DPP10: variants seen among roughly 807,000 people sequenced by gnomAD.
DPP10 encodes the protein inactive dipeptidyl peptidase 10.
DPP10 carries 33 observed loss-of-function variants against 120.9 expected under a neutral mutation model. The ratio of observed to expected loss-of-function variants is 0.27; its 90% CI spans 0.21 to 0.37. The LOEUF is 0.37. Among genes scored for constraint, DPP10 ranks in the 10% least tolerant of loss-of-function variants. The probability of loss-of-function intolerance (pLI) is 1.00; values close to 1 mark genes in which losing one functional copy is unlikely to be tolerated. For synonymous variants in DPP10, 337 were observed against 326.1 expected (o/e 1.03, Z -0.36); for missense variants, 816 against 942.8 (o/e 0.87, Z 1.76).
chr2:114,731,897 C>G (rs1286939651), intron 1 of DPP10, among the ~76,000 whole-genome samples: 4 of 152,148 alleles, frequency 2.6e-5, no homozygotes, highest in Non-Finnish European at 5.9e-5. Context: ...ACTACAGCCT[C>G]TGAGCACATT....
At chr2:114,927,288 T>C (rs1370744792) in intron 1 of DPP10, among the ~76,000 whole-genome samples, 1 of 151,864 alleles carries the variant, frequency 6.6e-6, no homozygotes, top group Non-Finnish European at 1.5e-5. Flanking sequence ...ACCCAGGTAA[T>C]CTGAGGCAGG....
At chr2:115,755,953 T>C (rs922659371) in intron 11 of DPP10, among the ~76,000 whole-genome samples, 1 of 151,324 alleles carries the variant, frequency 6.6e-6, no homozygotes, top group Non-Finnish European at 1.5e-5. Flanking sequence ...TGTATATATA[T>C]ACATAAAACA....
At chr2:114,847,485 G>T (rs6755195) in intron 1 of DPP10, among the ~76,000 whole-genome samples, 29,953 of 152,114 alleles carry the variant, frequency 0.2, 4,352 homozygotes, top group African/African-American at 0.41. Context: ...ACATTCTTAA[G>T]CATCTTATCC....
intron 1 of DPP10, among the ~76,000 whole-genome samples, chr2:115,223,027 T>C (rs2057254498): frequency 6.6e-6 from 1 of 152,136 alleles, no homozygotes; most frequent in Non-Finnish European, 1.5e-5. Flanking sequence ...CTGGTAGCAA[T>C]ATTGTTTCAT....
intron 7 of DPP10, among the ~76,000 whole-genome samples, chr2:115,696,648 T>C (rs1026206616): frequency 6.6e-6 from 1 of 152,180 alleles, no homozygotes; most frequent in Non-Finnish European, 1.5e-5. Flanking sequence ...CACTAGGCAG[T>C]GATTTGAAGC....
At chr2:115,088,522 C>T (rs1403337696) in intron 1 of DPP10, among the ~76,000 whole-genome samples, 2 of 151,982 alleles carry the variant, frequency 1.3e-5, no homozygotes, top group Middle Eastern at 3.4e-3. Flanking sequence ...GATCATGGCT[C>T]ACAGCAGCCT....
intron 3 of DPP10, among the ~76,000 whole-genome samples, chr2:115,454,959 C>T (rs544050416): frequency 1.3e-5 from 2 of 150,890 alleles, no homozygotes; most frequent in Middle Eastern, 6.9e-3. Context: ...AAAATTATAT[C>T]CATGACATCA....
intron 1 of DPP10, among the ~76,000 whole-genome samples, chr2:115,202,214 C>G (rs1401735716): frequency 6.6e-6 from 1 of 152,150 alleles, no homozygotes; most frequent in Admixed American, 6.6e-5. Flanking sequence ...CAGACATGAG[C>G]ACCCATGCCT....
intron 3 of DPP10, among the ~76,000 whole-genome samples, chr2:115,414,640 A>G (rs529004040): frequency 1.3e-5 from 2 of 152,316 alleles, no homozygotes; most frequent in African/African-American, 4.8e-5. Context: ...TGTATGTACC[A>G]TCAAACGGAA....
intron 3 of DPP10, among the ~76,000 whole-genome samples, chr2:115,470,543 T>G (rs1298125748): frequency 2.0e-5 from 3 of 152,106 alleles, no homozygotes; most frequent in Non-Finnish European, 4.4e-5. Context: ...TAATTGCAGT[T>G]CAGACTAGGA....
chr2:114,491,063 T>C (rs191146645), intron 1 of DPP10, among the ~76,000 whole-genome samples: 197 of 152,288 alleles, frequency 1.3e-3, no homozygotes, highest in African/African-American at 4.4e-3. Context: ...TTTACTTACA[T>C]ATGATTTATA....
intron 1 of DPP10, among the ~76,000 whole-genome samples, chr2:115,289,345 T>C (rs1005102553): frequency 2.0e-5 from 3 of 151,980 alleles, no homozygotes; most frequent in African/African-American, 7.2e-5. Flanking sequence ...TGCTCATGCA[T>C]TGGAAGAATC....
At chr2:115,350,151 A>G (rs2063933691) in intron 3 of DPP10, among the ~76,000 whole-genome samples, 1 of 152,178 alleles carries the variant, frequency 6.6e-6, no homozygotes, top group African/African-American at 2.4e-5. Context: ...TTTTTAATGG[A>G]AAACTAAACA....
At chr2:115,440,755 C>A (rs138333701) in intron 3 of DPP10, 1 of 152,186 alleles carries the variant, frequency 6.6e-6, no homozygotes. Flanking sequence ...AAAAGAGCAA[C>A]GGTACCAGGT....
intron 1 of DPP10, among the ~76,000 whole-genome samples, chr2:114,966,612 T>C (rs1179276705): frequency 6.6e-6 from 1 of 152,148 alleles, no homozygotes; most frequent in Non-Finnish European, 1.5e-5. Context: ...GACAGCCCAG[T>C]CTCAGGTATT....
chr2:115,128,379 C>T (rs908150658), intron 1 of DPP10, among the ~76,000 whole-genome samples: 3 of 152,130 alleles, frequency 2.0e-5, no homozygotes, highest in South Asian at 2.1e-4. Context: ...TTCCCTTAGA[C>T]GCCGGAAGTG....
At chr2:114,817,904 A>T (rs1685770933) in intron 1 of DPP10, among the ~76,000 whole-genome samples, 1 of 152,154 alleles carries the variant, frequency 6.6e-6, no homozygotes, top group African/African-American at 2.4e-5. Flanking sequence ...ATACTTAAGG[A>T]TGTAGGCTAG....
chr2:115,444,551 A>G (rs1340822448), intron 3 of DPP10, among the ~76,000 whole-genome samples: 1 of 152,188 alleles, frequency 6.6e-6, no homozygotes, highest in African/African-American at 2.4e-5. Flanking sequence ...CATCTATTAT[A>G]TTTCAAAAGT....
At chr2:115,156,773 A>G (rs2051943435) in intron 1 of DPP10, among the ~76,000 whole-genome samples, 1 of 152,242 alleles carries the variant, frequency 6.6e-6, no homozygotes, top group Admixed American at 6.5e-5. Flanking sequence ...ACAGGCAGAC[A>G]TTATCTCAAA....
Sources: allele counts gnomAD v4.1 joint callset (sites outside exome capture counted in the v4.1 genomes callset), GRCh38; gene constraint gnomAD v4.1.1; transcripts MANE v1.5; gene names NCBI Gene and HGNC (gene_info 2026-07-23, HGNC 2026-07-21).